The following PACS2 variants were observed in gnomAD, a reference collection of about 807,000 sequenced individuals.
The protein encoded by PACS2 is phosphofurin acidic cluster sorting protein 2.
PACS2 carries 36 observed loss-of-function variants against 113.0 expected under a neutral mutation model. That is an observed-to-expected ratio of 0.32 (90% CI 0.24 to 0.42). The LOEUF is 0.42. Ranked by LOEUF, PACS2 falls within the 10% of genes least tolerant of loss-of-function variation. The pLI is 1.00. For missense variants in PACS2, 1,015 were observed against 1,239.5 expected (o/e 0.82, Z 2.72); for synonymous variants, 589 against 536.1 (o/e 1.10, Z -1.36).
Position 105,324,387 on chromosome 14 carries a change from G to C in PACS2, c.119+9350G>C, listed in dbSNP as rs892837309. 1.3e-5 allele frequency among the ~76,000 whole-genome samples: 2 copies of C among 152,182 alleles called. No individual in the cohort carries two copies. Among genetic ancestry groups the C allele is most frequent in the Admixed American group, 1.3e-4 (2 of 15,286 alleles). On this transcript the variant is annotated intron_variant, in intron 1 of 24. Transcript: ENST00000447393. This position sits in a 1 kb window ranked among gnomAD's most constrained non-coding sequence, Gnocchi z 4.7. ...TTGTACAGTGCTTTCCCCAGGACCAGGGGGCAGGGTGTGGCGTGCTTATTC... is the reference window on the plus strand; with the variant it reads ...TTGTACAGTGCTTTCCCCAGGACCACGGGGCAGGGTGTGGCGTGCTTATTC...
Position 105,315,063 on chromosome 14 carries a change from TC to T in PACS2, c.119+29del. On this transcript the variant is annotated intron_variant, in intron 1 of 24. Transcript: ENST00000447393. This position sits in a 1 kb window ranked among gnomAD's most constrained non-coding sequence, Gnocchi z 4.4. Reference sequence around the variant, plus strand: ...GTACGCGCCGCCCGCCGCGCTTTGTTCCCGCCGGGCACCTGCTGGGGGTGTC... The same window carrying T: ...GTACGCGCCGCCCGCCGCGCTTTGTTCCGCCGGGCACCTGCTGGGGGTGTC... 1 of 1,141,420 alleles carries T rather than the reference TC, an allele frequency of 8.8e-7. No homozygotes were observed. The allele number at this position is 1,141,420 out of a possible 1,614,324, so 70.7% of individuals were successfully genotyped here.
At chr14:105,345,547 A>G (rs941593991) in intron 1 of PACS2, among the ~76,000 whole-genome samples, 6 of 152,192 alleles carry the variant, frequency 3.9e-5, no homozygotes, top group African/African-American at 1.4e-4. Flanking sequence ...TTTCATTTAC[A>G]TTCCATTCAG....
intron 4 of PACS2, among the ~76,000 whole-genome samples, chr14:105,364,229 G>T (rs1271989785): frequency 6.6e-6 from 1 of 152,180 alleles, no homozygotes; most frequent in African/African-American, 2.4e-5. Context: ...AAAAACAGAA[G>T]ATCAGCAAAG....
intron 1 of PACS2, among the ~76,000 whole-genome samples, chr14:105,321,425 C>T (rs1304977851): frequency 2.6e-5 from 4 of 151,838 alleles, no homozygotes; most frequent in Admixed American, 6.6e-5. Context: ...TGTAGTGGGA[C>T]GATCACAGCT....
chr14:105,363,006 GA>G (rs1256648773), intron 4 of PACS2, among the ~76,000 whole-genome samples: 1 of 152,180 alleles, frequency 6.6e-6, no homozygotes, highest in Non-Finnish European at 1.5e-5. Context: ...GTCATATTTT[GA>G]AAGGAACCTT....
rs782592694 is a variant in PACS2, at chr14:105,393,290, A to G, written c.2551A>G (p.Ser851Gly). 5 of 1,612,644 alleles carry G rather than the reference A, an allele frequency of 3.1e-6. No homozygotes were observed. In the South Asian group the frequency reaches 5.5e-5, roughly 18 times the overall value. Residue 851 changes from serine to glycine, a missense_variant, in exon 24 of 25, where the codon AGC becomes GGC. Physicochemically the swap from Ser to Gly is moderately conservative, Grantham distance 56. This residue lies in a region of PACS2 where 859 missense variants were observed against 1,056.8 expected (regional missense o/e 0.81). Coordinates refer to ENST00000447393, the MANE Select transcript of PACS2 (RefSeq NM_001100913.3). ...TAAGAGCCAGTGCATTGAGGGCATC[A>G]GCCGGCTCATCTGCACTGCCAGGCA... ...ESKSQCIEGI[S>G]RLICTARQQQ...
intron 1 of PACS2, chr14:105,336,522 G>A (rs1024895381): frequency 1.8e-4 from 27 of 152,444 alleles, no homozygotes; most frequent in Non-Finnish European, 2.3e-4. Context: ...GTCCTCAGGT[G>A]ACCAGAGTCC....
rs982915894 is a variant in PACS2, at chr14:105,356,506, A to G, written c.423+1329A>G. 1.6e-4 allele frequency among the ~76,000 whole-genome samples: 25 copies of G among 152,092 alleles called. No individual in the cohort carries two copies. The highest frequency in any genetic ancestry group is 1.9e-4 in the African/African-American group (8 of 41,406). ...GTGGCCTGGAGCTGCCCATCATCCC[A>G]GCCTCCCTCCTGCAGGCTGAGCGAT... is the stretch of plus-strand genomic sequence containing the variant. On this transcript the variant is annotated intron_variant, in intron 4 of 24. Coordinates refer to ENST00000447393, the MANE Select transcript of PACS2 (RefSeq NM_001100913.3). The surrounding 1 kb of genome is among the most constrained non-coding windows in gnomAD (Gnocchi z 4.0).
intron 3 of PACS2, among the ~76,000 whole-genome samples, chr14:105,353,664 G>A (rs2060321820): frequency 6.6e-6 from 1 of 151,876 alleles, no homozygotes; most frequent in African/African-American, 2.4e-5. Flanking sequence ...TGCAGTCTTG[G>A]CTCACTGCAA....
At chr14:105,363,929 GGA>G (rs2060825213) in intron 4 of PACS2, among the ~76,000 whole-genome samples, 1 of 152,122 alleles carries the variant, frequency 6.6e-6, no homozygotes, top group African/African-American at 2.4e-5. Context: ...AGAGGCCACA[GGA>G]GAGACAGACA....
chr14:105,382,989 T>C, intron 15 of PACS2, 76 bp downstream of exon 15: 2 of 877,334 alleles, frequency 2.3e-6, no homozygotes, highest in South Asian at 1.4e-5. Context: ...TGCCCATTGC[T>C]CCGGGGCTAG....
In PACS2 at chr14:105,376,848, C is replaced by T. The variant is rs781814769; in HGVS notation, c.882C>T (p.Asp294=). 2 of 1,613,226 alleles carry T rather than the reference C, an allele frequency of 1.2e-6. No individual in the cohort carries two copies. Among genetic ancestry groups the T allele is most frequent in the Non-Finnish European group, 1.7e-6 (2 of 1,179,870 alleles). The change falls in exon 9 of 25, where the codon GAC becomes GAT. Residue 294 remains aspartate, a synonymous_variant. Coordinates refer to ENST00000447393, the MANE Select transcript of PACS2 (RefSeq NM_001100913.3). This position sits in a 1 kb window ranked among gnomAD's most constrained non-coding sequence, Gnocchi z 4.7. ...TGGACCTCCTGTATGACACCCTGGA[C>T]ATGGAGCACCCCAGCGACAGCGGCC... ...EDLDLLYDTL[D]MEHPSDSGPD...
At chr14:105,380,617 C>G (rs2080956048) in intron 11 of PACS2, among the ~76,000 whole-genome samples, 1 of 151,204 alleles carries the variant, frequency 6.6e-6, no homozygotes, top group African/African-American at 2.4e-5. Flanking sequence ...AGGGTCAGGG[C>G]CCCCGGACTC....
rs1173452759 is a variant in PACS2, at chr14:105,383,632, TGGTGTGGCGC to T, written c.1780+128_1780+137del. On this transcript the variant is annotated intron_variant, in intron 16 of 24. Transcript: ENST00000447393. ...TGGCGTGGCGTGGCGCGGTGTGTCG[TGGTGTGGCGC>T]GGTGTGGCATGGCGTGGTGTCCCTG... The T allele has an allele frequency of 3.1e-5, 29 of 947,258 alleles. No individual in the cohort carries two copies. The Admixed American group carries it at 5.1e-4, about 17-fold the overall frequency. 58.7% of individuals were successfully genotyped at this position (947,258 alleles called of 1,614,324 possible).
rs374423349 is a variant in PACS2, at chr14:105,354,960, C to T, written c.298-92C>T. 33 of 1,353,810 alleles carry T rather than the reference C, an allele frequency of 2.4e-5. No individual in the cohort carries two copies. Among genetic ancestry groups the T allele is most frequent in the African/African-American group, 7.2e-5 (5 of 69,360 alleles). The allele number at this position is 1,353,810 out of a possible 1,614,324, so 83.9% of individuals were successfully genotyped here. On this transcript the variant is annotated intron_variant, in intron 3 of 24. Coordinates refer to ENST00000447393, the MANE Select transcript of PACS2 (RefSeq NM_001100913.3). This position sits in a 1 kb window ranked among gnomAD's most constrained non-coding sequence, Gnocchi z 4.2. ...CTCATGGGCAGCAGGTTGGCCTGGT[C>T]GCAGGCTGCAGGGTGGCTGGGCCGT...
chr14:105,349,775 G>T (rs1299815044), intron 2 of PACS2, among the ~76,000 whole-genome samples: 1 of 152,276 alleles, frequency 6.6e-6, no homozygotes, highest in Non-Finnish European at 1.5e-5. Context: ...GGGTGGTGGG[G>T]CCTTGCCCCA....
chr14:105,367,100 C>A, intron 4 of PACS2, 113 bp from the exon 5 acceptor site: 1 of 933,800 alleles, frequency 1.1e-6, no homozygotes, highest in Non-Finnish European at 1.6e-6. Flanking sequence ...TGCTGAGGGT[C>A]CCCCTTGCTG....
rs201063885 is a variant in PACS2 at position 105,352,424 on chromosome 14, G to T, written c.254G>T (p.Ser85Ile). Residue 85 changes from serine to isoleucine, a missense_variant, in exon 3 of 25, where the codon AGT (serine) becomes ATT (isoleucine). Transcript: ENST00000447393. ...LRSHEIVLPP[S>I]GQVETDLALT... is the part of the protein sequence containing the mutation. ...TCCCATGAGATTGTGCTGCCCCCCAGTGGACAAGTGGAGACAGACCTGGCC... is the reference window on the plus strand; with the variant it reads ...TCCCATGAGATTGTGCTGCCCCCCATTGGACAAGTGGAGACAGACCTGGCC... 3.8e-5 allele frequency: 61 copies of T among 1,612,822 alleles called. No homozygotes were observed. The highest frequency in any genetic ancestry group is 1.3e-5 in the Non-Finnish European group (15 of 1,179,114).
intron 1 of PACS2, among the ~76,000 whole-genome samples, chr14:105,333,339 G>T (rs2059377264): frequency 6.6e-6 from 1 of 152,224 alleles, no homozygotes; most frequent in African/African-American, 2.4e-5. Flanking sequence ...CACTACACTG[G>T]GAAGCTGCCC....
Sources: allele counts gnomAD v4.1 joint callset (sites outside exome capture counted in the v4.1 genomes callset), GRCh38; gene constraint gnomAD v4.1.1; regional missense constraint gnomAD v4.1.1; non-coding constraint Gnocchi (gnomAD v3.1); transcripts MANE v1.5; gene names NCBI Gene and HGNC (gene_info 2026-07-23, HGNC 2026-07-21).